RANBP17: variants seen among roughly 807,000 people sequenced by gnomAD.
The protein encoded by RANBP17 is ran-binding protein 17.
RANBP17 carries 158 observed loss-of-function variants against 141.2 expected under a neutral mutation model. That is an observed-to-expected ratio of 1.12 (90% CI 0.98 to 1.28). The LOEUF (loss-of-function observed/expected upper bound fraction) is 1.28. RANBP17 is among the 50% of genes most tolerant of loss of function. RANBP17 has a pLI of 0.00. For missense variants in RANBP17, 1,438 were observed against 1,290.7 expected (o/e 1.11, Z -1.75); for synonymous variants, 430 against 450.0 (o/e 0.96, Z 0.56).
chr5:171,002,290 G>A (rs2127578537), intron 14 of RANBP17, among the ~76,000 whole-genome samples: 1 of 151,596 alleles, frequency 6.6e-6, no homozygotes, highest in East Asian at 2.0e-4. Context: ...GGGAGAGTAG[G>A]TGGGAGTGAC....
At chr5:171,079,671 G>C (rs991988398) in intron 14 of RANBP17, among the ~76,000 whole-genome samples, 1 of 152,170 alleles carries the variant, frequency 6.6e-6, no homozygotes, top group Admixed American at 6.5e-5. Flanking sequence ...GAAGGCTCAG[G>C]TGATTGTTAG....
At chr5:171,246,438 T>C (rs2128000070) in intron 24 of RANBP17, among the ~76,000 whole-genome samples, 1 of 152,332 alleles carries the variant, frequency 6.6e-6, no homozygotes, top group South Asian at 2.1e-4. Context: ...TTTCCTCCTC[T>C]CTGGTTTAAT....
intron 14 of RANBP17, among the ~76,000 whole-genome samples, chr5:171,011,954 C>T (rs557908462): frequency 3.4e-4 from 52 of 151,688 alleles, no homozygotes; most frequent in African/African-American, 1.2e-3. Context: ...AAAGTCCAAG[C>T]CACTGTTTTG....
intron 21 of RANBP17, among the ~76,000 whole-genome samples, chr5:171,215,078 C>T (rs755705278): frequency 2.0e-5 from 3 of 151,616 alleles, no homozygotes; most frequent in East Asian, 1.9e-4. Context: ...CAACAGGCCC[C>T]GGTGTGTGAT....
At chr5:170,904,266 AAG>A (rs1289732813) in intron 5 of RANBP17, 1 of 266,568 alleles carries the variant, frequency 3.8e-6, no homozygotes, top group African/African-American at 2.3e-5. Context: ...ATGGAAATGA[AAG>A]AGAGATTCAT....
chr5:171,003,291 G>C (rs972478722), intron 14 of RANBP17, among the ~76,000 whole-genome samples: 1 of 152,154 alleles, frequency 6.6e-6, no homozygotes, highest in Non-Finnish European at 1.5e-5. Flanking sequence ...CTGTCTTCAA[G>C]GAACAGAAAG....
At chr5:170,939,418 CCT>C in intron 12 of RANBP17, among the ~76,000 whole-genome samples, 1 of 150,114 alleles carries the variant, frequency 6.7e-6, no homozygotes. Context: ...GCAGTCTTGC[CCT>C]GTCAACCAGG....
At chr5:171,165,203 A>T (rs939248284) in intron 14 of RANBP17, among the ~76,000 whole-genome samples, 1 of 152,008 alleles carries the variant, frequency 6.6e-6, no homozygotes, top group African/African-American at 2.4e-5. Flanking sequence ...TTTTTTTGAG[A>T]TGGAGTCTCG....
chr5:170,916,160 G>A (rs35417979), intron 8 of RANBP17, among the ~76,000 whole-genome samples: 66,900 of 106,880 alleles, frequency 0.63, 24,039 homozygotes, highest in South Asian at 0.91. Flanking sequence ...ATTATAATGC[G>A]TTATATTCTA....
chr5:171,112,821 A>G (rs901969284), intron 14 of RANBP17, among the ~76,000 whole-genome samples: 1 of 152,064 alleles, frequency 6.6e-6, no homozygotes, highest in African/African-American at 2.4e-5. Context: ...ATTAAGATAT[A>G]TAATTTGTGA....
intron 14 of RANBP17, among the ~76,000 whole-genome samples, chr5:171,069,657 G>A (rs996258815): frequency 6.6e-6 from 1 of 152,168 alleles, no homozygotes; most frequent in Non-Finnish European, 1.5e-5. Flanking sequence ...TTATAAAATA[G>A]AGTTTGTGTT....
At chr5:170,885,296 T>C (rs1769050667) in intron 3 of RANBP17, among the ~76,000 whole-genome samples, 1 of 152,198 alleles carries the variant, frequency 6.6e-6, no homozygotes, top group Non-Finnish European at 1.5e-5. Context: ...ATCTTTGAGA[T>C]TGGAATAAGC....
intron 14 of RANBP17, among the ~76,000 whole-genome samples, chr5:171,089,393 A>C (rs1437581132): frequency 6.6e-6 from 1 of 151,272 alleles, no homozygotes; most frequent in South Asian, 2.1e-4. Flanking sequence ...AAGTTTGCAG[A>C]GGTTACTGCT....
intron 14 of RANBP17, among the ~76,000 whole-genome samples, chr5:171,026,288 C>A (rs1010019160): frequency 6.6e-6 from 1 of 152,110 alleles, no homozygotes; most frequent in African/African-American, 2.4e-5. Flanking sequence ...TAATTTTATT[C>A]CCATTTTTAT....
intron 14 of RANBP17, among the ~76,000 whole-genome samples, chr5:171,059,087 C>G (rs868406430): frequency 5.8e-4 from 87 of 150,768 alleles, no homozygotes; most frequent in Non-Finnish European, 9.7e-4. Flanking sequence ...GAGTAGGTTG[C>G]GAAAATTTTC....
At position 171,240,805 on chromosome 5, in the gene RANBP17, T is replaced by A. The variant is rs1764827028; in HGVS notation, c.2423-123T>A. The A allele has an allele frequency of 1.5e-5, 9 of 610,638 alleles. No homozygotes were observed. In the Admixed American group the frequency reaches 1.8e-4, roughly 12 times the overall value. The allele number at this position is 610,638 out of a possible 1,614,324, so 37.8% of individuals were successfully genotyped here. A position where few individuals can be genotyped will look rare whatever the true frequency, so the allele number is the denominator to read the frequency against. On this transcript the variant is annotated intron_variant, in intron 22 of 27. Transcript: ENST00000523189. Reference sequence around the variant, plus strand: ...TTTTATTACAATGAATAAAAAAAAATTCTTAAAAATATGCTGGGAGGAAGT... The same window carrying A: ...TTTTATTACAATGAATAAAAAAAAAATCTTAAAAATATGCTGGGAGGAAGT...
At chr5:170,944,901 T>C (rs1393823608) in intron 12 of RANBP17, among the ~76,000 whole-genome samples, 1 of 152,242 alleles carries the variant, frequency 6.6e-6, no homozygotes, top group African/African-American at 2.4e-5. Flanking sequence ...TTAGATACTT[T>C]ACTCATTCTG....
chr5:170,964,249 C>A (rs1776356867), intron 13 of RANBP17, among the ~76,000 whole-genome samples: 1 of 151,992 alleles, frequency 6.6e-6, no homozygotes. Flanking sequence ...TATAGATGGA[C>A]ATGTGTGAAA....
intron 1 of RANBP17, among the ~76,000 whole-genome samples, chr5:170,864,386 G>A (rs1229832409): frequency 6.6e-6 from 1 of 152,114 alleles, no homozygotes; most frequent in African/African-American, 2.4e-5. Flanking sequence ...AACATAAACC[G>A]CTCATTGCCA....
Sources: allele counts gnomAD v4.1 joint callset (sites outside exome capture counted in the v4.1 genomes callset), GRCh38; gene constraint gnomAD v4.1.1; transcripts MANE v1.5; gene names NCBI Gene and HGNC (gene_info 2026-07-23, HGNC 2026-07-21).